The following KDM4C variants were observed in gnomAD, a reference collection of about 807,000 sequenced individuals.
KDM4C encodes the protein lysine-specific demethylase 4C.
Under a neutral mutation model 129.3 loss-of-function variants are expected in KDM4C, and 81 were observed. The observed-to-expected ratio is 0.63, with a 90% CI of 0.52 to 0.75. The LOEUF is 0.75. KDM4C is among the 30% of genes least tolerant of loss of function. The pLI, the probability that KDM4C is intolerant of heterozygous loss-of-function variation, is 0.00. For synonymous variants in KDM4C, 573 were observed against 456.1 expected, an observed-to-expected ratio of 1.26 and a Z score of -3.26; for missense variants, 1,457 against 1,304.0, an observed-to-expected ratio of 1.12 and a Z score of -1.81.
At chr9:7,146,729 A>C (rs939036976) in intron 19 of KDM4C, among the ~76,000 whole-genome samples, 1 of 152,236 alleles carries the variant, frequency 6.6e-6, no homozygotes, top group Non-Finnish European at 1.5e-5. Context: ...CCATCTACTT[A>C]TTAGCCCTGT....
chr9:6,787,970 C>T (rs1782678499), intron 1 of KDM4C, among the ~76,000 whole-genome samples: 1 of 152,200 alleles, frequency 6.6e-6, no homozygotes, highest in African/African-American at 2.4e-5. Flanking sequence ...TCACCATTCT[C>T]CTCCTTGCTT....
chr9:6,884,679 C>T (rs1046045575), intron 6 of KDM4C, among the ~76,000 whole-genome samples: 7 of 152,038 alleles, frequency 4.6e-5, no homozygotes, highest in Non-Finnish European at 1.5e-5. Context: ...CTCCCCTTTC[C>T]TAAAAAGTTA....
At chr9:7,096,825 G>T (rs567155150) in intron 17 of KDM4C, among the ~76,000 whole-genome samples, 1 of 152,222 alleles carries the variant, frequency 6.6e-6, no homozygotes, top group African/African-American at 2.4e-5. Context: ...TTAACCCAGA[G>T]CCCCTCAGAG....
chr9:6,858,632 G>A (rs1307671408), intron 5 of KDM4C, among the ~76,000 whole-genome samples: 1 of 152,066 alleles, frequency 6.6e-6, no homozygotes, highest in East Asian at 1.9e-4. Context: ...AGTTAGCCGG[G>A]TGTGGTGACG....
chr9:6,949,339 G>C (rs1173878229), intron 8 of KDM4C, among the ~76,000 whole-genome samples: 2 of 151,742 alleles, frequency 1.3e-5, no homozygotes, highest in African/African-American at 4.8e-5. Context: ...ATGGCGGCCG[G>C]GAAGAGGCGC....
intron 1 of KDM4C, among the ~76,000 whole-genome samples, chr9:6,746,494 C>G (rs1220322777): frequency 6.7e-6 from 1 of 148,728 alleles, no homozygotes; most frequent in African/African-American, 2.4e-5. Flanking sequence ...GTCTGGATCT[C>G]CTGACCTCAG....
intron 8 of KDM4C, among the ~76,000 whole-genome samples, chr9:6,945,745 C>G (rs1826846423): frequency 6.6e-6 from 1 of 151,934 alleles, no homozygotes; most frequent in African/African-American, 2.4e-5. Flanking sequence ...ATCTAAGGTA[C>G]TTATTAATAT....
chr9:7,026,729 G>A (rs1339532991), intron 15 of KDM4C, among the ~76,000 whole-genome samples: 1 of 151,956 alleles, frequency 6.6e-6, no homozygotes, highest in East Asian at 1.9e-4. Context: ...TCTCAGATTT[G>A]CCCTTTTGAG....
chr9:6,963,732 C>G (rs1366476969), intron 8 of KDM4C, among the ~76,000 whole-genome samples: 1 of 152,198 alleles, frequency 6.6e-6, no homozygotes, highest in African/African-American at 2.4e-5. Flanking sequence ...TCCGCACATT[C>G]TTCCAGAGAA....
intron 6 of KDM4C, among the ~76,000 whole-genome samples, chr9:6,882,921 G>T (rs771370674): frequency 7.2e-5 from 11 of 152,144 alleles, no homozygotes; most frequent in Non-Finnish European, 1.6e-4. Flanking sequence ...GTGCCAGGGG[G>T]TAGATAAAGG....
chr9:7,079,872 TC>T (rs1834335842), intron 17 of KDM4C, among the ~76,000 whole-genome samples: 1 of 152,178 alleles, frequency 6.6e-6, no homozygotes, highest in African/African-American at 2.4e-5. Flanking sequence ...CCAAGCTTGA[TC>T]TGCATGAGAG....
chr9:7,016,748 G>C (rs1344525138), intron 15 of KDM4C, among the ~76,000 whole-genome samples: 3 of 152,114 alleles, frequency 2.0e-5, no homozygotes, highest in East Asian at 3.9e-4. Context: ...TCTGGTGGCA[G>C]TCCTCTACTT....
intron 8 of KDM4C, among the ~76,000 whole-genome samples, chr9:6,937,402 G>A (rs117311033): frequency 6.6e-6 from 1 of 152,070 alleles, no homozygotes; most frequent in Non-Finnish European, 1.5e-5. Flanking sequence ...TCTAAGGAAG[G>A]TGTTTCTCTT....
chr9:6,991,274 A>T (rs954629730), intron 12 of KDM4C, among the ~76,000 whole-genome samples: 5 of 151,736 alleles, frequency 3.3e-5, no homozygotes, highest in Non-Finnish European at 5.9e-5. Context: ...TTTTGTAGAG[A>T]TGGGTTTTGC....
chr9:7,078,646 C>T lies in KDM4C; in HGVS notation c.2425-25039C>T, dbSNP rs1587498250. ...ATTATTGTCTTGCATTTTAAAGGTC[C>T]ATAGTTTAATTAGCTTGAGTATAAA... is the stretch of plus-strand genomic sequence containing the variant. On this transcript the variant is annotated intron_variant, in intron 17 of 21. Coordinates refer to ENST00000381309, the MANE Select transcript of KDM4C (RefSeq NM_015061.6). Among the ~76,000 whole-genome samples the T allele has an allele frequency of 2.6e-5, 4 of 152,246 alleles. No homozygotes were observed. In the East Asian group the frequency reaches 7.7e-4, roughly 29 times the overall value.
At chr9:6,781,246 T>C (rs143166055) in intron 1 of KDM4C, among the ~76,000 whole-genome samples, 2 of 152,196 alleles carry the variant, frequency 1.3e-5, no homozygotes, top group Admixed American at 6.5e-5. Flanking sequence ...GCAGTAGTTA[T>C]GTTCTATAAA....
intron 12 of KDM4C, among the ~76,000 whole-genome samples, chr9:6,994,577 T>C (rs536854007): frequency 1.6e-4 from 25 of 152,314 alleles, no homozygotes; most frequent in Non-Finnish European, 2.2e-4. Context: ...GTAGTGAACA[T>C]TTCCCTGCAA....
At chr9:6,793,792 C>T (rs941140822) in intron 2 of KDM4C, among the ~76,000 whole-genome samples, 3 of 152,138 alleles carry the variant, frequency 2.0e-5, no homozygotes, top group Non-Finnish European at 2.9e-5. Flanking sequence ...ATCCATCCGC[C>T]TCGGCTTCCC....
chr9:7,052,460 G>A, intron 17 of KDM4C, among the ~76,000 whole-genome samples: 1 of 152,224 alleles, frequency 6.6e-6, no homozygotes, highest in Non-Finnish European at 1.5e-5. Flanking sequence ...CTGGAGGAGT[G>A]CGATCAGACA....
Sources: gnomAD v4.1 joint callset for allele counts (sites outside exome capture counted in the v4.1 genomes callset) on GRCh38, gnomAD v4.1.1 for gene constraint, MANE v1.5 for transcripts, NCBI Gene and HGNC (gene_info 2026-07-23, HGNC 2026-07-21) for gene names.